The following MTMR14 variants were observed in gnomAD, a reference collection of about 807,000 sequenced individuals.
MTMR14 encodes the protein phosphatidylinositol-3,5-bisphosphate 3-phosphatase MTMR14.
MTMR14 carries 48 observed loss-of-function variants against 86.3 expected under a neutral mutation model. The observed-to-expected ratio is 0.56, with a 90% confidence interval of 0.44 to 0.71. MTMR14 has a LOEUF of 0.71. Ranked by LOEUF, MTMR14 falls within the 30% of genes least tolerant of loss-of-function variation. The pLI, the probability that MTMR14 is intolerant of heterozygous loss-of-function variation, is 0.00. For missense variants in MTMR14, 780 were observed against 834.6 expected, an observed-to-expected ratio of 0.93 and a Z score of 0.81; for synonymous variants, 366 against 326.1, an observed-to-expected ratio of 1.12 and a Z score of -1.32.
chr3:9,695,037 T>G (rs936612870), intron 17 of MTMR14, among the ~76,000 whole-genome samples: 5 of 152,224 alleles, frequency 3.3e-5, no homozygotes, highest in African/African-American at 1.2e-4. Flanking sequence ...TTCTCTCCAG[T>G]CCTGTAGTGG....
In MTMR14 at chr3:9,693,799, TG is replaced by T. The variant is rs145475564; in HGVS notation, c.1613+3660del. On this transcript the variant is annotated intron_variant, in intron 17 of 18. Transcript: ENST00000296003. ...TGAGCATCCAAGGACTTGGTATTGGTGGGGTGGTAAGTGGGTGGCAATCCTG... is the reference window on the plus strand; with the variant it reads ...TGAGCATCCAAGGACTTGGTATTGGTGGGTGGTAAGTGGGTGGCAATCCTG... 4.7e-3 allele frequency among the ~76,000 whole-genome samples: 709 copies of T among 152,252 alleles called. 7 individuals carry two copies. The highest frequency in any genetic ancestry group is 0.017 in the African/African-American group (687 of 41,538).
At position 9,697,601 on chromosome 3, in the gene MTMR14, A is replaced by G. The variant is rs376832778; in HGVS notation, c.1614-110A>G. 7.2e-5 allele frequency: 91 copies of G among 1,262,070 alleles called. No homozygotes were observed. The African/African-American group carries it at 1.3e-3, about 17-fold the overall frequency. 78.2% of individuals were successfully genotyped at this position (1,262,070 alleles called of 1,614,324 possible). Reference sequence around the variant, plus strand: ...TTTAGACTTTTGGAGACAGTGATTGACAACAGAACCTAGCAGCCAGGGCTG... The same window carrying G: ...TTTAGACTTTTGGAGACAGTGATTGGCAACAGAACCTAGCAGCCAGGGCTG... On this transcript the variant is annotated intron_variant, in intron 17 of 18. Coordinates refer to ENST00000296003, the MANE Select transcript of MTMR14 (RefSeq NM_001077525.3).
rs140261983 is a variant in MTMR14 at position 9,651,480 on chromosome 3, G to A, written c.159+1738G>A. ...CCAACTTACATGACCCTGAAGATTA[G>A]GGTTAGCATAAGTTACACCTCATAT... is the stretch of plus-strand genomic sequence containing the variant. On this transcript the variant is annotated intron_variant, in intron 1 of 18. Transcript: ENST00000296003. 4.2e-3 allele frequency among the ~76,000 whole-genome samples: 635 copies of A among 152,242 alleles called. 4 individuals are homozygous for A. The highest frequency in any genetic ancestry group is 6.9e-3 in the Non-Finnish European group (471 of 68,018).
At position 9,702,250 on chromosome 3, in the gene MTMR14, T is replaced by G; in HGVS notation, c.*277T>G. ...ATCAACTCTCAGAACTGTGTGGGGT[T>G]TCCCTGGGGCCTTGTGGAAGCCATG... is the stretch of plus-strand genomic sequence containing the variant. On this transcript the variant is annotated 3_prime_UTR_variant, in exon 19 of 19. Coordinates refer to ENST00000296003, the MANE Select transcript of MTMR14 (RefSeq NM_001077525.3). 1 of 517,228 alleles carries G rather than the reference T, an allele frequency of 1.9e-6. No individual in the cohort carries two copies. The highest frequency in any genetic ancestry group is 1.9e-5 in the African/African-American group (1 of 52,182). 32.0% of individuals were successfully genotyped at this position (517,228 alleles called of 1,614,324 possible).
intron 2 of MTMR14, among the ~76,000 whole-genome samples, chr3:9,657,468 C>T (rs562821270): frequency 3.7e-4 from 56 of 152,200 alleles, no homozygotes; most frequent in Admixed American, 2.5e-3. Context: ...TGTTGAGTAC[C>T]TCTGTTTGGC....
intron 3 of MTMR14, among the ~76,000 whole-genome samples, chr3:9,665,966 ATCCGCCCGTC>A (rs371799628): frequency 1.4e-3 from 208 of 151,866 alleles, no homozygotes; most frequent in African/African-American, 4.8e-3. Flanking sequence ...TGACCTCGTG[ATCCGCCCGTC>A]TCGGCCTCCC....
intron 2 of MTMR14, among the ~76,000 whole-genome samples, chr3:9,660,757 C>A (rs1194557340): frequency 2.0e-5 from 3 of 152,158 alleles, no homozygotes; most frequent in Non-Finnish European, 4.4e-5. Flanking sequence ...GATGTGGAAG[C>A]AATTAAATTC....
chr3:9,665,334 AC>A (rs1429956555), intron 3 of MTMR14, among the ~76,000 whole-genome samples: 4 of 151,830 alleles, frequency 2.6e-5, no homozygotes, highest in Non-Finnish European at 4.4e-5. Flanking sequence ...ACATGTACCC[AC>A]AAAAGTTTTT....
At chr3:9,659,408 A>G (rs566264352) in intron 2 of MTMR14, among the ~76,000 whole-genome samples, 1 of 152,134 alleles carries the variant, frequency 6.6e-6, no homozygotes, top group Non-Finnish European at 1.5e-5. Context: ...GATAATAAAA[A>G]CAGGAAAAAG....
rs1389674675 is a variant in MTMR14 at position 9,688,965 on chromosome 3, C to T, written c.1316C>T (p.Thr439Ile). ...TTAGGACGAAAGGACCGTGGCAGCA[C>T]CACCAGCCTTGGCAGCGACTTCTCC... is the stretch of plus-strand genomic sequence containing the variant. Reference protein sequence around the residue: ...CMLRRKDRGSTTSLGSDFSLV... With the variant: ...CMLRRKDRGSITSLGSDFSLV... Residue 439 changes from threonine (T) to isoleucine (I), a missense_variant, in exon 16 of 19, where the codon ACC becomes ATC. Physicochemically the swap from Thr to Ile is moderately conservative, Grantham distance 89. Coordinates refer to ENST00000296003, the MANE Select transcript of MTMR14 (RefSeq NM_001077525.3). 4.3e-6 allele frequency: 7 copies of T among 1,613,910 alleles called. No homozygotes were observed. In the East Asian group the frequency reaches 1.1e-4, roughly 26 times the overall value.
intron 1 of MTMR14, among the ~76,000 whole-genome samples, chr3:9,652,480 C>A (rs910335322): frequency 2.0e-5 from 3 of 152,168 alleles, no homozygotes; most frequent in African/African-American, 7.2e-5. Flanking sequence ...AGGGCCAGTA[C>A]ACTGGCTCAC....
At chr3:9,671,428 C>T (rs2048561178) in intron 6 of MTMR14, among the ~76,000 whole-genome samples, 1 of 152,208 alleles carries the variant, frequency 6.6e-6, no homozygotes, top group Admixed American at 6.5e-5. Flanking sequence ...CTACCCAGTG[C>T]TCTGCTGCCA....
rs1257174696 is a variant in MTMR14 at position 9,684,551 on chromosome 3, C to T, written c.965-34C>T. 5.6e-6 allele frequency: 9 copies of T among 1,606,662 alleles called. No homozygotes were observed. The East Asian group carries it at 1.6e-4, about 28-fold the overall frequency. Reference sequence around the variant, plus strand: ...TGCTCATCGGCCCATGTCTGGTTCTCTCCTGGGCATCCTCTCCTGCGGTTC... The same window carrying T: ...TGCTCATCGGCCCATGTCTGGTTCTTTCCTGGGCATCCTCTCCTGCGGTTC... On this transcript the variant is annotated intron_variant, in intron 10 of 18. Coordinates refer to ENST00000296003, the MANE Select transcript of MTMR14 (RefSeq NM_001077525.3).
At chr3:9,696,547 T>TA (rs2076286911) in intron 17 of MTMR14, among the ~76,000 whole-genome samples, 1 of 152,208 alleles carries the variant, frequency 6.6e-6, no homozygotes, top group Non-Finnish European at 1.5e-5. Flanking sequence ...CTAGCTGTGA[T>TA]ACCTCAAGCA....
At chr3:9,676,366 CAG>C (rs2075574909) in intron 7 of MTMR14, among the ~76,000 whole-genome samples, 1 of 152,256 alleles carries the variant, frequency 6.6e-6, no homozygotes, top group African/African-American at 2.4e-5. Context: ...GGGCAGGCCA[CAG>C]CCCGGGGGGC....
chr3:9,669,088 C>T (rs1055586338), intron 4 of MTMR14, among the ~76,000 whole-genome samples: 28 of 150,206 alleles, frequency 1.9e-4, no homozygotes, highest in African/African-American at 6.6e-4. Context: ...TGCAGTGAGC[C>T]GAGATCACGC....
At chr3:9,676,161 C>A (rs1320566355) in intron 7 of MTMR14, among the ~76,000 whole-genome samples, 1 of 152,216 alleles carries the variant, frequency 6.6e-6, no homozygotes, top group Non-Finnish European at 1.5e-5. Flanking sequence ...CGATTGTTTT[C>A]TTGCCTCTGG....
rs146622339 is a variant in MTMR14, at chr3:9,662,924, A to G, written c.417+549A>G. 4.2e-4 allele frequency among the ~76,000 whole-genome samples: 64 copies of G among 152,296 alleles called. No homozygotes were observed. The East Asian group carries it at 0.012, about 28-fold the overall frequency. The stretch of plus-strand genomic sequence containing the variant: ...CCCCAGTTTGGTTTCATTTTTATCT[A>G]TCTTTTGGTGTACGGGATGTGCCCA... On this transcript the variant is annotated intron_variant, in intron 3 of 18. Transcript: ENST00000296003.
chr3:9,698,934 C>T (rs1049859178), intron 18 of MTMR14, among the ~76,000 whole-genome samples: 144 of 152,032 alleles, frequency 9.5e-4, no homozygotes, highest in African/African-American at 3.2e-3. Flanking sequence ...TTAGGGAGGC[C>T]GAGGCGGGCG....
Sources: gnomAD v4.1 joint callset for allele counts (sites outside exome capture counted in the v4.1 genomes callset) on GRCh38, gnomAD v4.1.1 for gene constraint, MANE v1.5 for transcripts, NCBI Gene and HGNC (gene_info 2026-07-23, HGNC 2026-07-21) for gene names.